NLRP2: variants seen among roughly 807,000 people sequenced by gnomAD.
NLRP2 encodes NACHT, LRR and PYD domains-containing protein 2.
Under a neutral mutation model 97.2 loss-of-function variants are expected in NLRP2, and 107 were observed. The observed-to-expected ratio is 1.10, with a 90% CI of 0.94 to 1.29. The LOEUF is 1.29. Among genes scored for constraint, NLRP2 ranks in the 50% most tolerant of loss-of-function variants. The pLI is 0.00. For synonymous variants in NLRP2, 663 were observed against 551.5 expected (o/e 1.20, Z -2.83); for missense variants, 1,495 against 1,330.3 (o/e 1.12, Z -1.93).
intron 1 of NLRP2, among the ~76,000 whole-genome samples, chr19:54,966,825 CTTTT>C (rs1044701142): frequency 9.5e-4 from 71 of 74,990 alleles, no homozygotes; most frequent in African/African-American, 2.7e-3. Context: ...CGCGCCCAGC[CTTTT>C]TTTTTTTTTT....
At position 54,970,127 on chromosome 19, in the gene NLRP2, G is replaced by C; in HGVS notation, c.112G>C (p.Glu38Gln). ...GATCACGACCTTCTCCCTGGCACAC[G>C]AGCTCCAGAAGATCCCCCACAAGGA... ...YLITTFSLAHELQKIPHKEVD... is the reference protein window; with the variant it reads ...YLITTFSLAHQLQKIPHKEVD... Residue 38 changes from glutamate (E) to glutamine (Q), a missense_variant, in exon 2 of 13, where the codon GAG (glutamate) becomes CAG (glutamine). Coordinates refer to ENST00000448584, the MANE Select transcript of NLRP2 (RefSeq NM_017852.5). The C allele has an allele frequency of 5.0e-6, 8 of 1,614,076 alleles. No individual in the cohort carries two copies. Among genetic ancestry groups the C allele is most frequent in the Non-Finnish European group, 6.8e-6 (8 of 1,180,020 alleles).
chr19:54,983,904 G>T (rs547055222), intron 6 of NLRP2, among the ~76,000 whole-genome samples, 176 bp downstream of exon 6: 1 of 152,014 alleles, frequency 6.6e-6, no homozygotes, highest in Non-Finnish European at 1.5e-5. Context: ...AGGCTGGAGC[G>T]CAGTGGCGCG....
intron 4 of NLRP2, among the ~76,000 whole-genome samples, chr19:54,978,281 C>G (rs2071374453): frequency 6.7e-6 from 1 of 148,244 alleles, no homozygotes; most frequent in African/African-American, 2.5e-5. Context: ...GTCACCCAGG[C>G]TGGAGTATAG....
chr19:54,974,687 G>A (rs703469), intron 3 of NLRP2, 143 bp downstream of exon 3: 15 of 691,990 alleles, frequency 2.2e-5, no homozygotes, highest in African/African-American at 3.6e-5. Flanking sequence ...AGCTGGTCTC[G>A]CAGGTGCGTA....
At chr19:54,985,689 A>AG (rs1326855064) in intron 7 of NLRP2, among the ~76,000 whole-genome samples, 4 of 149,652 alleles carry the variant, frequency 2.7e-5, no homozygotes, top group African/African-American at 1.0e-4. Context: ...AAAAAAAAAA[A>AG]AAAAAAAAAG....
chr19:54,995,187 C>CTTTTTTTTTTTTTTTTTTTTTT (rs34168825), intron 11 of NLRP2, among the ~76,000 whole-genome samples: 6 of 87,228 alleles, frequency 6.9e-5, no homozygotes, highest in African/African-American at 2.7e-4. Flanking sequence ...GTGGGTGCCT[C>CTTTTTTTTTTTTTTTTTTTTTT]TTTTTTTTTT....
Position 54,973,188 on chromosome 19 carries a change from CAAAAAAA to C in NLRP2, c.281-1306_281-1300del, listed in dbSNP as rs535718658. ...CCTGGGTGACAGCAAGACTCCATCTCAAAAAAAAAAAACAAACAAACATGGTATTAAT... is the reference window on the plus strand; with the variant it reads ...CCTGGGTGACAGCAAGACTCCATCTCAAAAACAAACAAACATGGTATTAAT... On this transcript the variant is annotated intron_variant, in intron 2 of 12. Coordinates refer to ENST00000448584, the MANE Select transcript of NLRP2 (RefSeq NM_017852.5). Among the ~76,000 whole-genome samples the C allele has an allele frequency of 2.3e-5, 3 of 131,416 alleles. No homozygotes were observed. In the East Asian group the frequency reaches 6.7e-4, roughly 29 times the overall value. 86.2% of individuals were successfully genotyped at this position (131,416 alleles called of 152,430 possible).
intron 11 of NLRP2, among the ~76,000 whole-genome samples, chr19:54,995,055 T>C (rs983696958): frequency 6.7e-6 from 1 of 149,820 alleles, no homozygotes; most frequent in Non-Finnish European, 1.5e-5. Context: ...GGCTCATACC[T>C]GTAATCCCAG....
At chr19:54,977,898 G>A (rs2146394952) in intron 4 of NLRP2, 75 bp downstream of exon 4, 1 of 1,321,118 alleles carries the variant, frequency 7.6e-7, no homozygotes, top group Admixed American at 1.7e-5. Flanking sequence ...CTGTTCCTTT[G>A]AAGAACCCCA....
rs1193689662 is a variant in NLRP2 at position 54,990,107 on chromosome 19, C to G, written c.2452C>G (p.Leu818Val). 1 of 1,614,156 alleles carries G rather than the reference C, an allele frequency of 6.2e-7. No individual in the cohort carries two copies. The highest frequency in any genetic ancestry group is 1.1e-5 in the South Asian group (1 of 91,082). Residue 818 changes from leucine (L) to valine (V), a missense_variant, in exon 9 of 13, where the codon CTC becomes GTC. Physicochemically the swap from Leu to Val is conservative, Grantham distance 32. Coordinates refer to ENST00000448584, the MANE Select transcript of NLRP2 (RefSeq NM_017852.5). ...CAACCAGTCCCTGACGTGCGTAAAC[C>G]TCTCCGACAATGAGCTTCTGGATGA... is the stretch of plus-strand genomic sequence containing the variant. ...EVNQSLTCVN[L>V]SDNELLDEGA...
At position 54,976,554 on chromosome 19, in the gene NLRP2, C is replaced by G. The variant is rs150013645; in HGVS notation, c.326-1198C>G. 3.9e-5 allele frequency among the ~76,000 whole-genome samples: 6 copies of G among 152,150 alleles called. No homozygotes were observed. The South Asian group carries it at 1.0e-3, about 26-fold the overall frequency. ...TAGAGACAGGGTTTCACCATGTTGGCCAGGCTGGTCTCAAACTGCTGACCT... is the reference window on the plus strand; with the variant it reads ...TAGAGACAGGGTTTCACCATGTTGGGCAGGCTGGTCTCAAACTGCTGACCT... On this transcript the variant is annotated intron_variant, in intron 3 of 12. Coordinates refer to ENST00000448584, the MANE Select transcript of NLRP2 (RefSeq NM_017852.5).
chr19:54,980,344 C>A (rs567664656), intron 4 of NLRP2, among the ~76,000 whole-genome samples: 1 of 151,270 alleles, frequency 6.6e-6, no homozygotes, highest in East Asian at 2.0e-4. Context: ...TACAGGCGCC[C>A]GCCACACGCC....
In NLRP2 at chr19:54,983,567, T is replaced by C. The variant is rs1282082411; in HGVS notation, c.1869T>C (p.Ala623=). ...AGGAGCTGGTGAAGGAGGTGATGGC[T>C]CAGTTCAAAGAAATATCCCTGCACT... ...QEEELVKEVM[A]QFKEISLHLN... The change falls in exon 6 of 13, where the codon GCT becomes GCC. Residue 623 remains alanine (A), a synonymous_variant. Transcript: ENST00000448584. The C allele has an allele frequency of 6.2e-7, 1 of 1,614,052 alleles. No individual in the cohort carries two copies. The highest frequency in any genetic ancestry group is 1.3e-5 in the African/African-American group (1 of 74,940).
chr19:54,992,650 C>A lies in NLRP2; in HGVS notation c.2709-1619C>A, dbSNP rs1031974993. ...CTCCATCTCAGCTCACTGCAACCTC[C>A]ACCTCCTGAGTTCAGGTGTGATTCT... On this transcript the variant is annotated intron_variant, in intron 10 of 12. Coordinates refer to ENST00000448584, the MANE Select transcript of NLRP2 (RefSeq NM_017852.5). Among the ~76,000 whole-genome samples the A allele has an allele frequency of 2.0e-5, 3 of 149,706 alleles. No homozygotes were observed. In the Admixed American group the frequency reaches 2.0e-4, roughly 10 times the overall value.
chr19:54,972,789 T>C (rs1014373867), intron 2 of NLRP2, among the ~76,000 whole-genome samples: 8 of 151,994 alleles, frequency 5.3e-5, no homozygotes, highest in Non-Finnish European at 8.8e-5. Context: ...AACCAAGATA[T>C]AGAGTCAGTC....
chr19:55,000,862 G>T lies in NLRP2; in HGVS notation c.3153G>T (p.Trp1051Cys). The T allele has an allele frequency of 6.2e-7, 1 of 1,613,120 alleles. No individual in the cohort carries two copies. Among genetic ancestry groups the T allele is most frequent in the Non-Finnish European group, 8.5e-7 (1 of 1,179,218 alleles). Residue 1051 changes from tryptophan to cysteine, a missense_variant, in exon 13 of 13, where the codon TGG (tryptophan) becomes TGT (cysteine). By Grantham distance (215) the Trp-to-Cys change is radical (BLOSUM62 -2). Coordinates refer to ENST00000448584, the MANE Select transcript of NLRP2 (RefSeq NM_017852.5). ...LIIDTEKHHPWAERPSSHDFM... is the reference protein window; with the variant it reads ...LIIDTEKHHPCAERPSSHDFM... ...TTGATACTGAGAAACATCATCCCTGGGCAGAAAGGCCTTCTTCTCATGACT... is the reference window on the plus strand; with the variant it reads ...TTGATACTGAGAAACATCATCCCTGTGCAGAAAGGCCTTCTTCTCATGACT...
chr19:54,968,105 A>G (rs2070593049), intron 1 of NLRP2, among the ~76,000 whole-genome samples: 1 of 151,938 alleles, frequency 6.6e-6, no homozygotes, highest in Non-Finnish European at 1.5e-5. Flanking sequence ...TTTAGTCGAT[A>G]TAGGGTTTCA....
intron 9 of NLRP2, 87 bp from the exon 10 acceptor site, chr19:54,990,415 G>A (rs1224473587): frequency 7.2e-7 from 1 of 1,392,064 alleles, no homozygotes; most frequent in Admixed American, 1.7e-5. Context: ...ACAAGAAGGG[G>A]CTTTTGGATG....
rs138544076 is a variant in NLRP2 at position 54,975,768 on chromosome 19, T to C, written c.325+1224T>C. On this transcript the variant is annotated intron_variant, in intron 3 of 12. Transcript: ENST00000448584. Reference sequence around the variant, plus strand: ...CGCCCGGCCCCTGAAGATTGTGTTTTGAGATGGGGTCTTGCTGTGTTGCTC... The same window carrying C: ...CGCCCGGCCCCTGAAGATTGTGTTTCGAGATGGGGTCTTGCTGTGTTGCTC... Among the ~76,000 whole-genome samples, 721 of 151,880 alleles carry C rather than the reference T, an allele frequency of 4.7e-3. 2 individuals carry two copies. The highest frequency in any genetic ancestry group is 0.024 in the Middle Eastern group (7 of 292).
Sources: gnomAD v4.1 joint callset for allele counts (sites outside exome capture counted in the v4.1 genomes callset) on GRCh38, gnomAD v4.1.1 for gene constraint, MANE v1.5 for transcripts, NCBI Gene and HGNC (gene_info 2026-07-23, HGNC 2026-07-21) for gene names.